Variants in TRIM17 observed in about 807,000 individuals in gnomAD.
TRIM17 encodes the protein tripartite motif containing 17.
In TRIM17, 27 loss-of-function variants were observed where a neutral mutation model predicts 35.8. The ratio of observed to expected loss-of-function variants is 0.75; its 90% CI spans 0.56 to 1.04. TRIM17 has a LOEUF of 1.04. Ranked by LOEUF, TRIM17 falls within the 50% of genes least tolerant of loss-of-function variation. TRIM17 has a pLI of 0.00. For missense variants in TRIM17, 582 were observed against 612.8 expected (o/e 0.95, Z 0.53); for synonymous variants, 246 against 252.6 (o/e 0.97, Z 0.25).
At chr1:228,414,535 C>G (rs377420101) in intron 2 of TRIM17, 109 bp downstream of exon 2, 1 of 988,100 alleles carries the variant, frequency 1.0e-6, no homozygotes, top group African/African-American at 1.6e-5. Context: ...GCCCCTGACT[C>G]GGGCCACTTT....
rs764487297 is a variant in TRIM17, at chr1:228,409,050, ACCGTCAC to A, written c.883+115_883+121del. 233 of 1,612,116 alleles carry A rather than the reference ACCGTCAC, an allele frequency of 1.4e-4. 3 individuals are homozygous for A. The highest frequency in any genetic ancestry group is 9.9e-4 in the Middle Eastern group (6 of 6,054). Reference sequence around the variant, plus strand: ...ACGAAGGCACAGTGAATAGCCAGTGACCGTCACCAGGCAGTGCACTTGTAGAACCCCC... The same window carrying A: ...ACGAAGGCACAGTGAATAGCCAGTGACAGGCAGTGCACTTGTAGAACCCCC... On this transcript the variant is annotated intron_variant, in intron 6 of 6. Coordinates refer to ENST00000366698, the MANE Select transcript of TRIM17 (RefSeq NM_016102.4).
chr1:228,407,997 T>G lies in TRIM17; in HGVS notation c.*204A>C. 2.3e-6 allele frequency: 1 copy of G among 433,930 alleles called. No individual in the cohort carries two copies. The highest frequency in any genetic ancestry group is 3.9e-6 in the Non-Finnish European group (1 of 254,252). The allele number at this position is 433,930 out of a possible 1,614,324, so 26.9% of individuals were successfully genotyped here. ...CTCAGAACGCAGGGGCTTTCAAAAG[T>G]TTCCTCTAGGAAGCATCTGTCAGTA... On this transcript the variant is annotated 3_prime_UTR_variant, in exon 7 of 7. Transcript: ENST00000366698.
In TRIM17 at chr1:228,410,884, GC is replaced by G; in HGVS notation, c.756+61del. 1 of 1,217,534 alleles carries G rather than the reference GC, an allele frequency of 8.2e-7. No individual in the cohort carries two copies. Among genetic ancestry groups the G allele is most frequent in the Non-Finnish European group, 1.1e-6 (1 of 902,128 alleles). 75.4% of individuals were successfully genotyped at this position (1,217,534 alleles called of 1,614,324 possible). A position where few individuals can be genotyped will look rare whatever the true frequency, so the allele number is the denominator to read the frequency against. The stretch of plus-strand genomic sequence containing the variant: ...TGGCTGCCTCTTCCCCAAGCCCAGC[GC>G]CCCCTGCCCATGCCTGTCAGAGCTC... On this transcript the variant is annotated intron_variant, in intron 4 of 6. Coordinates refer to ENST00000366698, the MANE Select transcript of TRIM17 (RefSeq NM_016102.4). This position sits in a 1 kb window ranked among gnomAD's most constrained non-coding sequence, Gnocchi z 4.6.
chr1:228,408,353 C>T lies in TRIM17; in HGVS notation c.1282G>A (p.Glu428Lys), dbSNP rs370345983. 1.4e-5 allele frequency: 22 copies of T among 1,613,944 alleles called. No homozygotes were observed. The highest frequency in any genetic ancestry group is 1.5e-5 in the Non-Finnish European group (18 of 1,179,990). ...MGIFLDFEAG[E>K]VSFYSVSDGS... ...TCGCTTACACTGTAGAAGGACACTT[C>T]CCCGGCTTCGAAGTCCAGGAAGATG... The change falls in exon 7 of 7, where the codon GAA becomes AAA. Residue 428 changes from glutamate (E) to lysine (K), a missense_variant. Physicochemically the swap from Glu to Lys is moderately conservative, Grantham distance 56. Coordinates refer to ENST00000366698, the MANE Select transcript of TRIM17 (RefSeq NM_016102.4). This position sits in a 1 kb window ranked among gnomAD's most constrained non-coding sequence, Gnocchi z 6.3.
rs1657155709 is a variant in TRIM17 at position 228,416,650 on chromosome 1, C to T, written c.-153G>A. The T allele has an allele frequency of 2.1e-6, 2 of 942,082 alleles. No homozygotes were observed. The highest frequency in any genetic ancestry group is 4.5e-5 in the African/African-American group (2 of 44,274). 58.4% of individuals were successfully genotyped at this position (942,082 alleles called of 1,614,324 possible). On this transcript the variant is annotated 5_prime_UTR_variant, in exon 1 of 7. Coordinates refer to ENST00000366698, the MANE Select transcript of TRIM17 (RefSeq NM_016102.4). ...CAGGAGGCTGCGGCCCGGCCCGGGG[C>T]GTGGGGACCTGGGGTCGGGAGGCCT...
At chr1:228,416,290 C>T (rs1657119094) in intron 1 of TRIM17, 3 of 976,216 alleles carry the variant, frequency 3.1e-6, no homozygotes, top group Non-Finnish European at 3.7e-6. Context: ...TGACCGAAGC[C>T]GGGCAGGGAC....
rs1222862609 is a variant in TRIM17 at position 228,410,612 on chromosome 1, T to G, written c.756+334A>C. ...CTCAGAATGTGACTGTGTTTGGAGA[T>G]AGCATCTTTAAGGAGGGAGTTGAGG... On this transcript the variant is annotated intron_variant, in intron 4 of 6. Coordinates refer to ENST00000366698, the MANE Select transcript of TRIM17 (RefSeq NM_016102.4). This position sits in a 1 kb window ranked among gnomAD's most constrained non-coding sequence, Gnocchi z 4.6. 6.6e-6 allele frequency among the ~76,000 whole-genome samples: 1 copy of G among 152,172 alleles called. No homozygotes were observed. The highest frequency in any genetic ancestry group is 1.5e-5 in the Non-Finnish European group (1 of 68,024).
intron 6 of TRIM17, 99 bp downstream of exon 6, chr1:228,409,073 T>C (rs569510780): frequency 1.9e-6 from 3 of 1,613,444 alleles, no homozygotes; most frequent in Middle Eastern, 1.7e-4. Context: ...AGTGCACTTG[T>C]AGAACCCCCC....
At position 228,410,590 on chromosome 1, in the gene TRIM17, A is replaced by C. The variant is rs1021447926; in HGVS notation, c.756+356T>G. 6.6e-6 allele frequency among the ~76,000 whole-genome samples: 1 copy of C among 152,202 alleles called. No individual in the cohort carries two copies. The highest frequency in any genetic ancestry group is 2.4e-5 in the African/African-American group (1 of 41,456). ...TTGAAGCCTGAACCCTCAGGACCTC[A>C]GAATGTGACTGTGTTTGGAGATAGC... On this transcript the variant is annotated intron_variant, in intron 4 of 6. Transcript: ENST00000366698. The surrounding 1 kb of genome is among the most constrained non-coding windows in gnomAD (Gnocchi z 4.6).
Position 228,416,594 on chromosome 1 carries a change from C to A in TRIM17, c.-97G>T, listed in dbSNP as rs1369367215. 5 of 984,606 alleles carry A rather than the reference C, an allele frequency of 5.1e-6. No individual in the cohort carries two copies. Among genetic ancestry groups the A allele is most frequent in the Non-Finnish European group, 6.0e-6 (5 of 830,064 alleles). 61.0% of individuals were successfully genotyped at this position (984,606 alleles called of 1,614,324 possible). A position where few individuals can be genotyped will look rare whatever the true frequency, so the allele number is the denominator to read the frequency against. On this transcript the variant is annotated 5_prime_UTR_variant, in exon 1 of 7. Coordinates refer to ENST00000366698, the MANE Select transcript of TRIM17 (RefSeq NM_016102.4). ...GTGCACCTGGCCGAGCGCTCGCTGCCGGGAAAGGCTGGGTCTGCCCCCACG... is the reference window on the plus strand; with the variant it reads ...GTGCACCTGGCCGAGCGCTCGCTGCAGGGAAAGGCTGGGTCTGCCCCCACG...
Position 228,409,036 on chromosome 1 carries a change from G to A in TRIM17, c.883+136C>T, listed in dbSNP as rs745604152. The A allele has an allele frequency of 8.1e-6, 13 of 1,609,410 alleles. No homozygotes were observed. In the South Asian group the frequency reaches 9.9e-5, roughly 12 times the overall value. ...AGTAACGCCGCCCTACGAAGGCACA[G>A]TGAATAGCCAGTGACCGTCACCAGG... is the stretch of plus-strand genomic sequence containing the variant. On this transcript the variant is annotated intron_variant, in intron 6 of 6. Coordinates refer to ENST00000366698, the MANE Select transcript of TRIM17 (RefSeq NM_016102.4).
intron 1 of TRIM17, among the ~76,000 whole-genome samples, chr1:228,416,208 C>A (rs1305248972): frequency 6.6e-6 from 1 of 152,228 alleles, no homozygotes; most frequent in Non-Finnish European, 1.5e-5. Flanking sequence ...TCGGAGCTTT[C>A]TGCACGCCAA....
chr1:228,416,011 C>T (rs1250284169), intron 1 of TRIM17: 1 of 152,228 alleles, frequency 6.6e-6, no homozygotes, highest in African/African-American at 2.4e-5. Flanking sequence ...ACACTCGCGA[C>T]CCCACGCAGT....
In TRIM17 at chr1:228,408,183, G is replaced by A. The variant is rs771061777; in HGVS notation, c.*18C>T. 2.3e-5 allele frequency: 35 copies of A among 1,511,178 alleles called. No homozygotes were observed. The highest frequency in any genetic ancestry group is 9.1e-5 in the East Asian group (4 of 43,830). 93.6% of individuals were successfully genotyped at this position (1,511,178 alleles called of 1,614,324 possible). On this transcript the variant is annotated 3_prime_UTR_variant, in exon 7 of 7. Transcript: ENST00000366698. This position sits in a 1 kb window ranked among gnomAD's most constrained non-coding sequence, Gnocchi z 6.3. ...TTCTGCAGAGCCAGGAGCAGTGCCC[G>A]AGTCCCCCGGTCTGTGTCTATCCTT...
intron 3 of TRIM17, 93 bp downstream of exon 3, chr1:228,413,704 G>T: frequency 9.6e-7 from 1 of 1,043,922 alleles, no homozygotes; most frequent in Non-Finnish European, 1.4e-6. Context: ...TCCTGCCACT[G>T]CGGCAGCATA....
Position 228,413,840 on chromosome 1 carries a change from CCT to C in TRIM17, c.480_481del (p.Gly161GlufsTer29), listed in dbSNP as rs1252833719. 6.2e-7 allele frequency: 1 copy of C among 1,614,198 alleles called. No homozygotes were observed. The highest frequency in any genetic ancestry group is 1.3e-5 in the African/African-American group (1 of 75,040). On this transcript the variant is annotated frameshift_variant, in exon 3 of 7. Coordinates refer to ENST00000366698, the MANE Select transcript of TRIM17 (RefSeq NM_016102.4). LOFTEE classifies it high-confidence loss of function. ...CTGCTCCTCCCTGGCCTGCAGATTC[CCT>C]GTCCTGGTGATCTGCTCCCGAAGGT...
chr1:228,415,345 G>GACCCT, intron 1 of TRIM17: 1 of 400,764 alleles, frequency 2.5e-6, no homozygotes, highest in East Asian at 4.2e-5. Context: ...ACTGGGCCTG[G>GACCCT]ACCCTACCCG....
chr1:228,410,634 G>A lies in TRIM17; in HGVS notation c.756+312C>T, dbSNP rs531867610. ...AGATAGCATCTTTAAGGAGGGAGTT[G>A]AGGTCACTGGGGTGGGCCCTAATCC... On this transcript the variant is annotated intron_variant, in intron 4 of 6. Coordinates refer to ENST00000366698, the MANE Select transcript of TRIM17 (RefSeq NM_016102.4). The surrounding 1 kb of genome is among the most constrained non-coding windows in gnomAD (Gnocchi z 4.6). Among the ~76,000 whole-genome samples, 1 of 152,310 alleles carries A rather than the reference G, an allele frequency of 6.6e-6. No individual in the cohort carries two copies. The highest frequency in any genetic ancestry group is 2.1e-4 in the South Asian group (1 of 4,830).
rs1212418890 is a variant in TRIM17 at position 228,407,944 on chromosome 1, T to A, written c.*257A>T. The A allele has an allele frequency of 2.6e-5, 8 of 308,794 alleles. No individual in the cohort carries two copies. Among genetic ancestry groups the A allele is most frequent in the Non-Finnish European group, 4.7e-5 (8 of 169,590 alleles). 19.1% of individuals were successfully genotyped at this position (308,794 alleles called of 1,614,324 possible). ...AAACGTGACCACGCTGTTCCTGGTG[T>A]GTAGGTATGGATTTAGAAATCGGTC... is the stretch of plus-strand genomic sequence containing the variant. On this transcript the variant is annotated 3_prime_UTR_variant, in exon 7 of 7. Transcript: ENST00000366698.
Sources: allele counts gnomAD v4.1 joint callset (sites outside exome capture counted in the v4.1 genomes callset), GRCh38; gene constraint gnomAD v4.1.1; non-coding constraint Gnocchi (gnomAD v3.1); transcripts MANE v1.5; gene names NCBI Gene and HGNC (gene_info 2026-07-23, HGNC 2026-07-21).